QTMAN: variants seen among roughly 807,000 people sequenced by gnomAD.
QTMAN encodes the protein tRNA-queuosine alpha-mannosyltransferase.
the QTMAN span, among the ~76,000 whole-genome samples, chr2:143,984,624 C>G: frequency 6.6e-6 from 1 of 152,202 alleles, no homozygotes; most frequent in African/African-American, 2.4e-5. Context: ...GTTTTCCCAC[C>G]TGAATGTTGC....
chr2:144,094,893 C>T, the QTMAN span, among the ~76,000 whole-genome samples: 1 of 152,192 alleles, frequency 6.6e-6, no homozygotes, highest in East Asian at 1.9e-4. Context: ...GGGGCAGTCT[C>T]GTTCTCATAA....
chr2:143,975,779 GGA>G, the QTMAN span, among the ~76,000 whole-genome samples: 1 of 152,294 alleles, frequency 6.6e-6, no homozygotes, highest in East Asian at 1.9e-4. Context: ...GCCACATGGA[GGA>G]GAGTTGCCCT....
chr2:143,939,335 G>C, the QTMAN span: 1 of 152,192 alleles, frequency 6.6e-6, no homozygotes, highest in Non-Finnish European at 1.5e-5. Context: ...TGATGTTCAT[G>C]AGTAGGTTTT....
chr2:144,176,470 AT>A, the QTMAN span, among the ~76,000 whole-genome samples: 1 of 152,186 alleles, frequency 6.6e-6, no homozygotes. Context: ...ATAATTCAGC[AT>A]TGTACTGCAA....
chr2:143,998,421 A>T, the QTMAN span, among the ~76,000 whole-genome samples: 1 of 151,292 alleles, frequency 6.6e-6, no homozygotes, highest in South Asian at 2.1e-4. Context: ...CATAGCCAAT[A>T]AAGACGACAG....
the QTMAN span, chr2:144,007,249 G>C: frequency 6.2e-7 from 1 of 1,612,964 alleles, no homozygotes; most frequent in Admixed American, 1.7e-5. Context: ...ATGTCACAGG[G>C]ATCAACAGTC....
chr2:143,992,609 C>G, the QTMAN span, among the ~76,000 whole-genome samples: 3 of 152,074 alleles, frequency 2.0e-5, no homozygotes, highest in African/African-American at 7.2e-5. Flanking sequence ...AGACTATAGT[C>G]TCAACCTACA....
the QTMAN span, among the ~76,000 whole-genome samples, chr2:143,953,057 T>C: frequency 6.6e-6 from 1 of 151,866 alleles, no homozygotes; most frequent in Admixed American, 6.6e-5. Flanking sequence ...CAACAGCATA[T>C]GTTTTGTTCA....
the QTMAN span, among the ~76,000 whole-genome samples, chr2:144,013,994 A>C: frequency 6.6e-6 from 1 of 152,158 alleles, no homozygotes; most frequent in Admixed American, 6.6e-5. Context: ...TCATGCGTAC[A>C]CAGACACCCC....
the QTMAN span, among the ~76,000 whole-genome samples, chr2:144,118,048 G>A: frequency 1.3e-5 from 2 of 152,002 alleles, no homozygotes; most frequent in Non-Finnish European, 2.9e-5. Context: ...GGGTTTCAAC[G>A]TGTTAGCCAG....
At chr2:143,975,562 CTCTT>C in the QTMAN span, among the ~76,000 whole-genome samples, 122 of 152,326 alleles carry the variant, frequency 8.0e-4, 1 homozygote, top group East Asian at 0.021. Flanking sequence ...CACTCATCCT[CTCTT>C]TCTGAGCACA....
chr2:144,260,304 G>C, the QTMAN span, among the ~76,000 whole-genome samples: 1 of 151,514 alleles, frequency 6.6e-6, no homozygotes, highest in Non-Finnish European at 1.5e-5. Flanking sequence ...TTTTTTCTTA[G>C]TTCTCCCTCT....
the QTMAN span, among the ~76,000 whole-genome samples, chr2:144,045,855 G>A: frequency 1.1e-4 from 16 of 152,304 alleles, no homozygotes; most frequent in Admixed American, 7.2e-4. Flanking sequence ...CAAAAGTAAG[G>A]CAAAGGGGGT....
chr2:144,272,558 C>T, the QTMAN span, among the ~76,000 whole-genome samples: 84 of 152,234 alleles, frequency 5.5e-4, no homozygotes, highest in Non-Finnish European at 8.8e-4. Flanking sequence ...TCCTTCATAC[C>T]CCATATGTTG....
the QTMAN span, among the ~76,000 whole-genome samples, chr2:144,102,166 T>C: frequency 6.6e-6 from 1 of 152,178 alleles, no homozygotes; most frequent in Non-Finnish European, 1.5e-5. Context: ...CAGAGCTATG[T>C]TTTTTCCATT....
At chr2:144,045,925 T>G in the QTMAN span, among the ~76,000 whole-genome samples, 1 of 152,352 alleles carries the variant, frequency 6.6e-6, no homozygotes, top group Non-Finnish European at 1.5e-5. Flanking sequence ...TTCCATTTTC[T>G]ACATGGCTAC....
the QTMAN span, among the ~76,000 whole-genome samples, chr2:144,322,570 G>A: frequency 6.6e-6 from 1 of 151,908 alleles, no homozygotes; most frequent in Non-Finnish European, 1.5e-5. Flanking sequence ...TCAATCTGTT[G>A]TGCTATGTTG....
At chr2:144,288,044 G>A in the QTMAN span, among the ~76,000 whole-genome samples, 111 of 151,626 alleles carry the variant, frequency 7.3e-4, 1 homozygote, top group South Asian at 1.5e-3. Flanking sequence ...TAGTAGAGAC[G>A]GGGTTTCACC....
the QTMAN span, among the ~76,000 whole-genome samples, chr2:144,114,992 G>C: frequency 6.6e-6 from 1 of 152,166 alleles, no homozygotes; most frequent in Non-Finnish European, 1.5e-5. Context: ...ACTTTGGGAG[G>C]TCAAGGTGGG....
Sources: gnomAD v4.1 joint callset for allele counts (sites outside exome capture counted in the v4.1 genomes callset) on GRCh38, gnomAD v4.1.1 for gene constraint, MANE v1.5 for transcripts, NCBI Gene and HGNC (gene_info 2026-07-23, HGNC 2026-07-21) for gene names.